The following CNTN1 variants were observed in gnomAD, a reference collection of about 807,000 sequenced individuals.
The protein encoded by CNTN1 is contactin-1.
Under a neutral mutation model 126.4 loss-of-function variants are expected in CNTN1, and 38 were observed. The ratio of observed to expected loss-of-function variants is 0.30; its 90% CI spans 0.23 to 0.39. The LOEUF (loss-of-function observed/expected upper bound fraction) is 0.39. CNTN1 is among the 10% of genes least tolerant of loss of function. The pLI is 1.00. For synonymous variants in CNTN1, 413 were observed against 422.6 expected, an observed-to-expected ratio of 0.98 and a Z score of 0.28; for missense variants, 1,009 against 1,248.4, an observed-to-expected ratio of 0.81 and a Z score of 2.89.
intron 23 of CNTN1, among the ~76,000 whole-genome samples, chr12:41,040,094 C>A (rs1453947563): frequency 6.6e-6 from 1 of 152,010 alleles, no homozygotes; most frequent in East Asian, 1.9e-4. Flanking sequence ...TCACACAGAC[C>A]CTATAATGTC....
At chr12:40,692,722 G>C (rs1941331477) in intron 1 of CNTN1, 130 bp downstream of exon 1, 1 of 153,880 alleles carries the variant, frequency 6.5e-6, no homozygotes, top group Admixed American at 6.5e-5. Flanking sequence ...TGCAGCTCTC[G>C]CCGTGCGGCG....
Position 40,864,599 on chromosome 12 carries a change from C to A in CNTN1, c.-76-43758C>A, listed in dbSNP as rs935648498. On this transcript the variant is annotated intron_variant, in intron 1 of 23. Transcript: ENST00000551295. ...GAAATTGCACTATATGATTTCATAC[C>A]TTTTGTGAATTTTCTTTCACTTAGC... Among the ~76,000 whole-genome samples the A allele has an allele frequency of 3.9e-4, 58 of 149,308 alleles. 2 individuals are homozygous for A. The highest frequency in any genetic ancestry group is 3.6e-3 in the Admixed American group (54 of 15,164).
At chr12:40,986,963 C>A (rs1947970024) in intron 16 of CNTN1, among the ~76,000 whole-genome samples, 1 of 152,110 alleles carries the variant, frequency 6.6e-6, no homozygotes. Flanking sequence ...TGACTACAAC[C>A]TTCTTTCATC....
At position 41,071,106 on chromosome 12, in the gene CNTN1, A is replaced by G. The variant is rs2121182235; in HGVS notation, c.*1071A>G. 1 of 151,978 alleles carries G rather than the reference A, an allele frequency of 6.6e-6. No homozygotes were observed. Among genetic ancestry groups the G allele is most frequent in the East Asian group, 1.9e-4 (1 of 5,174 alleles). 9.4% of individuals were successfully genotyped at this position (151,978 alleles called of 1,614,324 possible). On this transcript the variant is annotated 3_prime_UTR_variant, in exon 24 of 24. Coordinates refer to ENST00000551295, the MANE Select transcript of CNTN1 (RefSeq NM_001843.4). ...AACAATAATAATAATAATAATAATT[A>G]GTTTTAAGCTCATTTCCCACTTCAA...
chr12:40,885,769 A>G (rs375909936), intron 1 of CNTN1, among the ~76,000 whole-genome samples: 1 of 152,090 alleles, frequency 6.6e-6, no homozygotes, highest in Non-Finnish European at 1.5e-5. Flanking sequence ...GAGAAATCCC[A>G]TTTGTGCTTT....
intron 15 of CNTN1, among the ~76,000 whole-genome samples, chr12:40,976,429 A>T (rs1439579803): frequency 6.6e-6 from 1 of 152,114 alleles, no homozygotes; most frequent in East Asian, 1.9e-4. Context: ...AACTGGAAGG[A>T]GATATCAGTA....
At chr12:40,894,048 C>T (rs2136740735) in intron 1 of CNTN1, among the ~76,000 whole-genome samples, 1 of 152,240 alleles carries the variant, frequency 6.6e-6, no homozygotes, top group Middle Eastern at 3.4e-3. Flanking sequence ...CTCCCTTTTC[C>T]TCATTGTCTG....
intron 14 of CNTN1, among the ~76,000 whole-genome samples, chr12:40,952,838 C>A (rs1033796392): frequency 6.6e-6 from 1 of 152,058 alleles, no homozygotes; most frequent in Non-Finnish European, 1.5e-5. Flanking sequence ...TTTATTATTT[C>A]ATGGATATAG....
rs1223044818 is a variant in CNTN1, at chr12:40,959,248, C to A, written c.1804+14C>A. The A allele has an allele frequency of 6.2e-7, 1 of 1,611,856 alleles. No homozygotes were observed. The highest frequency in any genetic ancestry group is 1.1e-5 in the South Asian group (1 of 91,054). Reference sequence around the variant, plus strand: ...TTGTAGTGAGAGGTAAGAGTTTCAACATTTTAAAATTACAAAACCAAAAGT... The same window carrying A: ...TTGTAGTGAGAGGTAAGAGTTTCAAAATTTTAAAATTACAAAACCAAAAGT... On this transcript the variant is annotated intron_variant, in intron 15 of 23. Transcript: ENST00000551295.
intron 1 of CNTN1, among the ~76,000 whole-genome samples, chr12:40,726,578 C>G (rs975393698): frequency 6.6e-6 from 1 of 152,138 alleles, no homozygotes; most frequent in Admixed American, 6.5e-5. Context: ...CACCATGATC[C>G]GATTACCTCC....
At chr12:40,715,210 C>T (rs1409194131) in intron 1 of CNTN1, among the ~76,000 whole-genome samples, 1 of 152,082 alleles carries the variant, frequency 6.6e-6, no homozygotes, top group Non-Finnish European at 1.5e-5. Flanking sequence ...TGGAGTGGGG[C>T]CTGATAATTT....
chr12:40,761,117 CATG>C (rs760260106), intron 1 of CNTN1, among the ~76,000 whole-genome samples: 18 of 152,152 alleles, frequency 1.2e-4, no homozygotes, highest in Middle Eastern at 3.4e-3. Context: ...TGTAAATCAA[CATG>C]ATAAAATCTC....
At chr12:41,025,376 C>A in intron 21 of CNTN1, 40 bp downstream of exon 21, 1 of 1,578,804 alleles carries the variant, frequency 6.3e-7, no homozygotes. Context: ...TCAAAAACTA[C>A]CACTGGATTC....
intron 1 of CNTN1, among the ~76,000 whole-genome samples, chr12:40,805,716 T>A (rs982070253): frequency 6.6e-6 from 1 of 151,844 alleles, no homozygotes; most frequent in African/African-American, 2.4e-5. Context: ...TGTGTGTGTA[T>A]GTGTGTGTAT....
chr12:41,061,302 A>G (rs1258302129), intron 23 of CNTN1, among the ~76,000 whole-genome samples: 1 of 152,174 alleles, frequency 6.6e-6, no homozygotes, highest in Admixed American at 6.5e-5. Flanking sequence ...TCTATTGGAA[A>G]TGCTCACTCC....
chr12:41,046,847 C>CTTTTTTTTTTTTT (rs56655599), intron 23 of CNTN1, among the ~76,000 whole-genome samples: 4 of 118,992 alleles, frequency 3.4e-5, no homozygotes, highest in Non-Finnish European at 3.4e-5. Context: ...TTGCTTATTT[C>CTTTTTTTTTTTTT]TTTTTTTTTT....
At chr12:40,700,975 A>G (rs1311454213) in intron 1 of CNTN1, among the ~76,000 whole-genome samples, 1 of 152,212 alleles carries the variant, frequency 6.6e-6, no homozygotes, top group African/African-American at 2.4e-5. Context: ...AGTTATTAAA[A>G]AGTTAATGCA....
At chr12:40,872,827 C>T (rs1335827690) in intron 1 of CNTN1, among the ~76,000 whole-genome samples, 4 of 151,918 alleles carry the variant, frequency 2.6e-5, no homozygotes, top group South Asian at 2.1e-4. Context: ...CCCAAAATGC[C>T]GGGATTACAG....
intron 1 of CNTN1, among the ~76,000 whole-genome samples, chr12:40,871,429 G>A (rs1396184470): frequency 6.6e-6 from 1 of 152,082 alleles, no homozygotes; most frequent in Non-Finnish European, 1.5e-5. Context: ...ACTACAGGGA[G>A]GTCAGTTGGG....
Sources: gnomAD v4.1 joint callset for allele counts (sites outside exome capture counted in the v4.1 genomes callset) on GRCh38, gnomAD v4.1.1 for gene constraint, MANE v1.5 for transcripts, NCBI Gene and HGNC (gene_info 2026-07-23, HGNC 2026-07-21) for gene names.